The following DICER1 variants were observed in gnomAD, a reference collection of about 807,000 sequenced individuals.
DICER1 encodes dicer 1, ribonuclease III.
A neutral mutation model predicts 194.1 loss-of-function variants in DICER1; 43 were observed. The ratio of observed to expected loss-of-function variants is 0.22; its 90% CI spans 0.17 to 0.29. The LOEUF is 0.29. Ranked by LOEUF, DICER1 falls within the 10% of genes least tolerant of loss-of-function variation. The probability of loss-of-function intolerance (pLI) is 1.00; values close to 1 mark genes in which losing one functional copy is unlikely to be tolerated. For missense variants in DICER1, 1,608 were observed against 2,317.0 expected (o/e 0.69, Z 6.28); for synonymous variants, 832 against 820.5 (o/e 1.01, Z -0.24).
intron 1 of DICER1, among the ~76,000 whole-genome samples, chr14:95,139,196 G>A (rs899593787): frequency 6.6e-6 from 1 of 152,130 alleles, no homozygotes; most frequent in Non-Finnish European, 1.5e-5. Flanking sequence ...ATACTACAGA[G>A]GCTTGGGGTA....
At chr14:95,153,329 G>A in intron 1 of DICER1, among the ~76,000 whole-genome samples, 1 of 152,138 alleles carries the variant, frequency 6.6e-6, no homozygotes, top group East Asian at 1.9e-4. Flanking sequence ...TCAACAGCCT[G>A]AATGAGACAA....
In DICER1 at chr14:95,096,164, G is replaced by T; in HGVS notation, c.4756C>A (p.Leu1586Met). 2 of 1,614,240 alleles carry T rather than the reference G, an allele frequency of 1.2e-6. No homozygotes were observed. ...ERAAQLFLCS[L>M]GLKVLPVIKR... ...ATTACCGGGAGCACCTTCAGCCCCA[G>T]TGAACAGAGGAAAAGCTGAGCAGCC... Residue 1586 changes from leucine to methionine, a missense_variant, in exon 23 of 27, where the codon CTG becomes ATG. Physicochemically the swap from Leu to Met is conservative, Grantham distance 15. This residue lies in a region of DICER1 where 125 missense variants were observed against 134.9 expected (regional missense o/e 0.93). Coordinates refer to ENST00000343455, the MANE Select transcript of DICER1 (RefSeq NM_177438.3).
intron 12 of DICER1, 48 bp from the exon 13 acceptor site, chr14:95,112,295 A>G (rs1303244696): frequency 6.9e-7 from 1 of 1,458,332 alleles, no homozygotes; most frequent in East Asian, 2.3e-5. Context: ...TCGCTGTATT[A>G]CCTCTAGCAC....
rs1566768364 is a variant in DICER1 at position 95,103,835 on chromosome 14, G to A, written c.3561C>T (p.Gly1187=). 6.2e-7 allele frequency: 1 copy of A among 1,614,134 alleles called. No individual in the cohort carries two copies. The highest frequency in any genetic ancestry group is 8.5e-7 in the Non-Finnish European group (1 of 1,180,020). The part of the protein sequence containing the change: ...GLSYNQNLAN[G]SYDLANRDFC... ...AGTCTCTGTTAGCTAAATCATAACTGCCATTGGCGAGATTTTGATTGTAAG... is the reference window on the plus strand; with the variant it reads ...AGTCTCTGTTAGCTAAATCATAACTACCATTGGCGAGATTTTGATTGTAAG... The change falls in exon 21 of 27, where the codon GGC becomes GGT. Residue 1187 remains glycine, a synonymous_variant. Coordinates refer to ENST00000343455, the MANE Select transcript of DICER1 (RefSeq NM_177438.3).
At chr14:95,157,676 G>C (rs980738209), upstream of DICER1, 11 of 152,616 alleles carry the variant, frequency 7.2e-5, no homozygotes, top group African/African-American at 2.6e-4. Flanking sequence ...GGGCGCGCGC[G>C]CGGAGGCCGG....
chr14:95,092,567 A>G (rs1889944777), intron 24 of DICER1, among the ~76,000 whole-genome samples: 1 of 152,204 alleles, frequency 6.6e-6, no homozygotes, highest in Non-Finnish European at 1.5e-5. Context: ...TTTAAAACTT[A>G]CCAAGTTTAA....
rs1198379857 is a variant in DICER1, at chr14:95,116,710, C to T, written c.1510-15G>A. 3 of 1,610,448 alleles carry T rather than the reference C, an allele frequency of 1.9e-6. No individual in the cohort carries two copies. Among genetic ancestry groups the T allele is most frequent in the Admixed American group, 3.3e-5 (2 of 59,782 alleles). On this transcript the variant is annotated splice_polypyrimidine_tract_variant and intron_variant, in intron 9 of 26. Transcript: ENST00000343455. ...TTCCTAAGTACCTGAAAAAAAAAAT[C>T]CACCAAGAAAAGCACTTCTAAGAAA... is the stretch of plus-strand genomic sequence containing the variant.
chr14:95,125,936 G>C (rs921131225), intron 7 of DICER1, among the ~76,000 whole-genome samples: 10 of 152,086 alleles, frequency 6.6e-5, no homozygotes, highest in African/African-American at 9.7e-5. Flanking sequence ...ACTGCTGCTC[G>C]AGAAGAAAAA....
At chr14:95,095,796 G>A (rs988309112) in intron 23 of DICER1, 29 bp downstream of exon 23, 1 of 1,612,396 alleles carries the variant, frequency 6.2e-7, no homozygotes, top group Non-Finnish European at 8.5e-7. Context: ...CATTTTCCCA[G>A]AAATGAAGTC....
chr14:95,094,313 C>A (rs1355979401), intron 23 of DICER1, among the ~76,000 whole-genome samples, 157 bp from the exon 24 acceptor site: 1 of 152,094 alleles, frequency 6.6e-6, no homozygotes, highest in Non-Finnish European at 1.5e-5. Flanking sequence ...TACTAAAAAG[C>A]CTCTGGAAAC....
Position 95,105,780 on chromosome 14 carries a change from A to T in DICER1, c.2991T>A (p.Leu997=). 6.2e-7 allele frequency: 1 copy of T among 1,613,224 alleles called. No homozygotes were observed. Among genetic ancestry groups the T allele is most frequent in the Non-Finnish European group, 8.5e-7 (1 of 1,179,132 alleles). Residue 997 remains leucine (L), a synonymous_variant, in exon 19 of 27, where the codon CTT becomes CTA. Transcript: ENST00000343455. The surrounding 1 kb of genome is among the most constrained non-coding windows in gnomAD (Gnocchi z 4.9). ...LLDVDHTSSR[L]NLLTPRHLNQ... ...TCAAATGTCGAGGTGTCAAAAGATT[A>T]AGTCTGTAAGAATTCCAAAACAATT...
At chr14:95,110,571 A>G (rs559421750) in intron 14 of DICER1, among the ~76,000 whole-genome samples, 2 of 152,236 alleles carry the variant, frequency 1.3e-5, no homozygotes, top group Admixed American at 1.3e-4. Context: ...GAGCTGCTGG[A>G]GGATCGGTAC....
intron 1 of DICER1, among the ~76,000 whole-genome samples, chr14:95,148,380 C>T (rs557078184): frequency 6.6e-6 from 1 of 152,298 alleles, no homozygotes; most frequent in East Asian, 1.9e-4. Context: ...CGATCATTAG[C>T]ATACAAAAAC....
intron 1 of DICER1, among the ~76,000 whole-genome samples, chr14:95,137,535 G>GAAAGAA (rs1403906992): frequency 7.0e-6 from 1 of 143,726 alleles, no homozygotes; most frequent in Admixed American, 7.0e-5. Context: ...AGGGGAAAGG[G>GAAAGAA]AAAGAAAAAG....
chr14:95,155,793 T>A (rs1226186106), intron 1 of DICER1, among the ~76,000 whole-genome samples: 1 of 152,262 alleles, frequency 6.6e-6, no homozygotes, highest in African/African-American at 2.4e-5. Flanking sequence ...AGTGACCATG[T>A]TAAAAGCAAT....
In DICER1 at chr14:95,132,619, G is replaced by C; in HGVS notation, c.203C>G (p.Ser68Ter). The C allele has an allele frequency of 6.2e-7, 1 of 1,613,890 alleles. No homozygotes were observed. The highest frequency in any genetic ancestry group is 8.5e-7 in the Non-Finnish European group (1 of 1,179,876). ...HNTIVCLNTGSGKTFIAVLLT... is the reference protein window; with the variant it reads ...HNTIVCLNTG The stretch of plus-strand genomic sequence containing the variant: ...TAGTACTGCAATAAATGTCTTCCCT[G>C]AGCCAGTGTTTAAACAGACGATGGT... Residue 68 changes from serine to a stop codon, truncating the protein, a stop_gained, in exon 3 of 27, where the codon TCA becomes TGA. Transcript: ENST00000343455. LOFTEE classifies it high-confidence loss of function.
intron 14 of DICER1, among the ~76,000 whole-genome samples, chr14:95,110,519 C>T (rs183638877): frequency 1.3e-5 from 2 of 152,122 alleles, no homozygotes; most frequent in East Asian, 1.9e-4. Context: ...TGGCTGGGAA[C>T]GATTTTTTTT....
chr14:95,142,371 T>G (rs1048681666), intron 1 of DICER1, among the ~76,000 whole-genome samples: 6 of 152,236 alleles, frequency 3.9e-5, no homozygotes, highest in African/African-American at 1.2e-4. Flanking sequence ...TACCTCAGAC[T>G]TCATTTAATT....
chr14:95,121,265 A>G (rs1309541021), intron 8 of DICER1, among the ~76,000 whole-genome samples: 1 of 152,230 alleles, frequency 6.6e-6, no homozygotes, highest in Non-Finnish European at 1.5e-5. Context: ...ACTAAATGTG[A>G]TATGACACCT....
Sources: gnomAD v4.1 joint callset for allele counts (sites outside exome capture counted in the v4.1 genomes callset) on GRCh38, gnomAD v4.1.1 for gene constraint, gnomAD v4.1.1 regional missense constraint, Gnocchi (gnomAD v3.1) non-coding constraint, MANE v1.5 for transcripts, NCBI Gene and HGNC (gene_info 2026-07-23, HGNC 2026-07-21) for gene names.